CBFA2T3: variants seen among roughly 807,000 people sequenced by gnomAD.
CBFA2T3 encodes the protein transcriptional corepressor CBFA2T3.
A neutral mutation model predicts 58.6 loss-of-function variants in CBFA2T3; 31 were observed. The observed-to-expected ratio is 0.53, with a 90% CI of 0.40 to 0.71. The LOEUF is 0.71. Among genes scored for constraint, CBFA2T3 ranks in the 30% least tolerant of loss-of-function variants. The pLI is 0.00. For missense variants in CBFA2T3, 1,076 were observed against 963.1 expected (o/e 1.12, Z -1.55); for synonymous variants, 531 against 421.9 (o/e 1.26, Z -3.17).
intron 1 of CBFA2T3, chr16:88,936,947 C>T (rs972671314): frequency 5.3e-5 from 8 of 152,236 alleles, no homozygotes; most frequent in African/African-American, 1.9e-4. Context: ...CAGTTTCCAG[C>T]CCAACTGCCA....
At chr16:88,886,201 T>G (rs1344365605) in intron 5 of CBFA2T3, 59 bp from the exon 6 acceptor site, 1 of 1,306,526 alleles carries the variant, frequency 7.7e-7, no homozygotes, top group Non-Finnish European at 1.0e-6. Flanking sequence ...CCTGCTCAGG[T>G]CCGAGCAGAG....
At chr16:88,895,673 C>G (rs1320745822) in intron 3 of CBFA2T3, among the ~76,000 whole-genome samples, 1 of 152,192 alleles carries the variant, frequency 6.6e-6, no homozygotes, top group African/African-American at 2.4e-5. Context: ...TCACTCTGCT[C>G]TCACTCCAGC....
intron 1 of CBFA2T3, among the ~76,000 whole-genome samples, chr16:88,931,291 T>C (rs576877955): frequency 4.1e-4 from 62 of 152,166 alleles, no homozygotes; most frequent in African/African-American, 1.4e-3. Context: ...CTGGCTGTGC[T>C]GGAAACCAGG....
At chr16:88,915,799 CAG>C (rs577388491) in intron 1 of CBFA2T3, among the ~76,000 whole-genome samples, 2 of 151,340 alleles carry the variant, frequency 1.3e-5, no homozygotes, top group South Asian at 4.2e-4. Context: ...GGGCTAGACA[CAG>C]GGTGGGCGGG....
At chr16:88,916,255 C>T (rs372829494) in intron 1 of CBFA2T3, among the ~76,000 whole-genome samples, 322 of 146,262 alleles carry the variant, frequency 2.2e-3, no homozygotes, top group South Asian at 7.8e-3. Context: ...TGTATTCATG[C>T]GTGTGCATGG....
chr16:88,881,168 C>T, intron 9 of CBFA2T3, 123 bp downstream of exon 9: 2 of 900,566 alleles, frequency 2.2e-6, no homozygotes, highest in Non-Finnish European at 1.8e-6. Flanking sequence ...GAAAAAGGTG[C>T]CTCTTTCTCA....
At chr16:88,899,698 G>A (rs1325280765) in intron 2 of CBFA2T3, among the ~76,000 whole-genome samples, 1 of 152,214 alleles carries the variant, frequency 6.6e-6, no homozygotes, top group Non-Finnish European at 1.5e-5. Flanking sequence ...TGGGGGAGAC[G>A]CACCCTTGAG....
Position 88,887,675 on chromosome 16 carries a change from G to A in CBFA2T3, c.712-1533C>T, listed in dbSNP as rs187002809. 4.0e-3 allele frequency among the ~76,000 whole-genome samples: 610 copies of A among 152,264 alleles called. 3 individuals are homozygous for A. Among genetic ancestry groups the A allele is most frequent in the Non-Finnish European group, 7.1e-3 (484 of 68,006 alleles). On this transcript the variant is annotated intron_variant, in intron 5 of 11. Coordinates refer to ENST00000268679, the MANE Select transcript of CBFA2T3 (RefSeq NM_005187.6). ...TGGGGTGGGGACTGTGGGAACCTCC[G>A]GCAGTGCCTCCTTCAAGGCAGTGTC...
rs1353386227 is a variant in CBFA2T3, at chr16:88,901,570, T to C, written c.238A>G (p.Met80Val). Reference protein sequence around the residue: ...KTQPRSTPPSMPPPPPAASQG... With the variant: ...KTQPRSTPPSVPPPPPAASQG... ...GATGCGGCAGGCGGTGGGGGCGGCATGCTGGGGGGTGTGGACCGGGGCTGC... is the reference window on the plus strand; with the variant it reads ...GATGCGGCAGGCGGTGGGGGCGGCACGCTGGGGGGTGTGGACCGGGGCTGC... Residue 80 changes from methionine (M) to valine (V), a missense_variant, in exon 2 of 12, where the codon ATG (methionine) becomes GTG (valine). Coordinates refer to ENST00000268679, the MANE Select transcript of CBFA2T3 (RefSeq NM_005187.6). 1.3e-6 allele frequency: 2 copies of C among 1,493,836 alleles called. No homozygotes were observed. Among genetic ancestry groups the C allele is most frequent in the Non-Finnish European group, 1.8e-6 (2 of 1,130,076 alleles). The allele number at this position is 1,493,836 out of a possible 1,614,324, so 92.5% of individuals were successfully genotyped here.
intron 1 of CBFA2T3, among the ~76,000 whole-genome samples, chr16:88,906,002 C>T (rs936257277): frequency 9.2e-5 from 14 of 151,822 alleles, no homozygotes; most frequent in Non-Finnish European, 1.6e-4. Context: ...TCGGGCAAGC[C>T]ACAGCCTCTC....
intron 1 of CBFA2T3, among the ~76,000 whole-genome samples, chr16:88,946,678 T>G (rs1020419993): frequency 6.6e-6 from 1 of 152,136 alleles, no homozygotes; most frequent in Non-Finnish European, 1.5e-5. Context: ...AGACAGGGTT[T>G]CACCATGTTG....
At chr16:88,901,770 G>A in intron 1 of CBFA2T3, 114 bp from the exon 2 acceptor site, 1 of 934,536 alleles carries the variant, frequency 1.1e-6, no homozygotes, top group South Asian at 1.9e-5. Context: ...CAGCGCTGGG[G>A]CAGTCTGCCC....
rs543655621 is a variant in CBFA2T3 at position 88,892,158 on chromosome 16, C to T, written c.621+86G>A. On this transcript the variant is annotated intron_variant, in intron 4 of 11. Transcript: ENST00000268679. ...CACGCCCGGTTGTCAGCGTGGAGCC[C>T]ATGTAAGGAGTGGCCGTGGCTGCAA... 4.0e-5 allele frequency: 60 copies of T among 1,502,682 alleles called. No individual in the cohort carries two copies. The East Asian group carries it at 1.3e-3, about 34-fold the overall frequency. 93.1% of individuals were successfully genotyped at this position (1,502,682 alleles called of 1,614,324 possible).
chr16:88,884,958 C>T, intron 7 of CBFA2T3, 88 bp downstream of exon 7: 2 of 983,402 alleles, frequency 2.0e-6, no homozygotes, highest in Non-Finnish European at 2.9e-6. Flanking sequence ...GCCCGTGGTG[C>T]CCTGTGCCCA....
At chr16:88,932,872 C>T (rs768783573) in intron 1 of CBFA2T3, among the ~76,000 whole-genome samples, 33 of 146,444 alleles carry the variant, frequency 2.3e-4, no homozygotes, top group African/African-American at 5.4e-4. Context: ...AGGAGGCTGA[C>T]GCAGGAGAAT....
At chr16:88,940,497 G>A (rs936570585) in intron 1 of CBFA2T3, among the ~76,000 whole-genome samples, 24 of 152,240 alleles carry the variant, frequency 1.6e-4, no homozygotes, top group African/African-American at 5.5e-4. Flanking sequence ...CGGCTGTGCC[G>A]AGGCCCGCGG....
intron 1 of CBFA2T3, among the ~76,000 whole-genome samples, chr16:88,911,397 G>A (rs904097091): frequency 6.6e-6 from 1 of 152,246 alleles, no homozygotes; most frequent in Non-Finnish European, 1.5e-5. Flanking sequence ...CTCCCCTTGG[G>A]TAAGATGCAG....
intron 1 of CBFA2T3, among the ~76,000 whole-genome samples, chr16:88,968,187 G>C (rs993731956): frequency 4.6e-5 from 7 of 152,222 alleles, no homozygotes; most frequent in African/African-American, 1.4e-4. Flanking sequence ...GCCGAATAAG[G>C]GTGGACCACA....
chr16:88,905,707 G>A (rs1364692960), intron 1 of CBFA2T3, among the ~76,000 whole-genome samples: 1 of 133,140 alleles, frequency 7.5e-6, no homozygotes, highest in Non-Finnish European at 1.6e-5. Context: ...GGAGGGGCGG[G>A]GCTGGAGGGG....
Sources: gnomAD v4.1 joint callset for allele counts (sites outside exome capture counted in the v4.1 genomes callset) on GRCh38, gnomAD v4.1.1 for gene constraint, MANE v1.5 for transcripts, NCBI Gene and HGNC (gene_info 2026-07-23, HGNC 2026-07-21) for gene names.